The following SPATA31F3 variants were observed in gnomAD, a reference collection of about 807,000 sequenced individuals.
SPATA31F3 encodes SPATA31 subfamily F member 3.
the SPATA31F3 span, chr9:34,895,475 G>A: frequency 1.3e-5 from 5 of 397,922 alleles, no homozygotes; most frequent in South Asian, 6.8e-4. Flanking sequence ...GTCCAGTGAG[G>A]AGACCCCTTT....
At chr9:34,895,601 A>C in the SPATA31F3 span, 83,277 of 398,826 alleles carry the variant, frequency 0.21, 9,880 homozygotes, top group East Asian at 0.46. Flanking sequence ...CCTGTTAGGT[A>C]CCAAGCTTAA....
At chr9:34,893,640 C>T in the SPATA31F3 span, among the ~76,000 whole-genome samples, 1 of 151,868 alleles carries the variant, frequency 6.6e-6, no homozygotes, top group African/African-American at 2.4e-5. Flanking sequence ...AAGAAAAAGC[C>T]ATTTGGCAAG....
the SPATA31F3 span, among the ~76,000 whole-genome samples, chr9:34,895,263 A>T: frequency 6.6e-6 from 1 of 151,712 alleles, no homozygotes; most frequent in African/African-American, 2.4e-5. Context: ...CTTATTTCTG[A>T]CTCACTTTCA....
the SPATA31F3 span, among the ~76,000 whole-genome samples, chr9:34,894,150 G>A: frequency 3.3e-5 from 5 of 152,128 alleles, no homozygotes; most frequent in African/African-American, 7.2e-5. Flanking sequence ...AGCTTGTCTC[G>A]TGGCTGAATG....
the SPATA31F3 span, chr9:34,889,344 G>A: frequency 2.5e-6 from 1 of 398,714 alleles, no homozygotes; most frequent in Non-Finnish European, 4.4e-6. Flanking sequence ...ACTGAAGGGA[G>A]TGTTGCTAGA....
chr9:34,893,439 A>G, the SPATA31F3 span, among the ~76,000 whole-genome samples: 2 of 149,082 alleles, frequency 1.3e-5, no homozygotes, highest in Admixed American at 1.3e-4. Flanking sequence ...CGTCTCTACT[A>G]AAAATACAAA....
the SPATA31F3 span, chr9:34,895,093 C>A: frequency 5.0e-6 from 2 of 398,530 alleles, no homozygotes; most frequent in Non-Finnish European, 4.4e-6. Flanking sequence ...CACTTAAAGA[C>A]AAAAACATTA....
the SPATA31F3 span, among the ~76,000 whole-genome samples, chr9:34,893,794 C>G: frequency 6.6e-6 from 1 of 151,966 alleles, no homozygotes; most frequent in African/African-American, 2.4e-5. Context: ...CGGAGCCAGG[C>G]GGTTAGCTGA....
the SPATA31F3 span, chr9:34,889,162 G>A: frequency 2.5e-6 from 1 of 398,514 alleles, no homozygotes; most frequent in African/African-American, 2.1e-5. Context: ...GATTGCAGAG[G>A]TTCAGGAACC....
chr9:34,894,761 T>G, the SPATA31F3 span, among the ~76,000 whole-genome samples: 7 of 152,328 alleles, frequency 4.6e-5, no homozygotes, highest in East Asian at 1.3e-3. Context: ...TTGAAGAGAC[T>G]TCCACAGGTT....
the SPATA31F3 span, chr9:34,895,757 C>CT: frequency 2.0e-5 from 8 of 401,626 alleles, no homozygotes; most frequent in East Asian, 7.1e-5. Flanking sequence ...TCTCCCTAGT[C>CT]TTTCACTGTC....
chr9:34,894,282 C>T, the SPATA31F3 span, among the ~76,000 whole-genome samples: 2 of 152,156 alleles, frequency 1.3e-5, no homozygotes, highest in African/African-American at 4.8e-5. Context: ...CTGGCCCAGC[C>T]CCCCTGCCCT....
chr9:34,889,712 C>T, the SPATA31F3 span: 1 of 397,808 alleles, frequency 2.5e-6, no homozygotes, highest in Non-Finnish European at 4.4e-6. Context: ...AAGTGTGGCC[C>T]TGCAAATTTT....
the SPATA31F3 span, among the ~76,000 whole-genome samples, chr9:34,891,947 T>C: frequency 6.6e-6 from 1 of 151,890 alleles, no homozygotes; most frequent in Non-Finnish European, 1.5e-5. Flanking sequence ...ATGGAGAATG[T>C]GGGGGAAAAG....
the SPATA31F3 span, chr9:34,892,557 A>G: frequency 2.4e-6 from 1 of 420,320 alleles, no homozygotes; most frequent in East Asian, 3.4e-5. Context: ...GGACATTGCA[A>G]TAGCAGTTGG....
the SPATA31F3 span, chr9:34,895,042 T>C: frequency 1.5e-5 from 6 of 398,564 alleles, no homozygotes; most frequent in Admixed American, 1.3e-4. Context: ...ACTTTACCTC[T>C]TGATGTTCTA....
the SPATA31F3 span, among the ~76,000 whole-genome samples, chr9:34,892,432 T>G: frequency 6.6e-6 from 1 of 152,026 alleles, no homozygotes; most frequent in Admixed American, 6.6e-5. Context: ...AAATTAGAAG[T>G]GGTGTGGTAT....
At chr9:34,889,933 C>G in the SPATA31F3 span, among the ~76,000 whole-genome samples, 1 of 152,150 alleles carries the variant, frequency 6.6e-6, no homozygotes, top group Admixed American at 6.5e-5. Flanking sequence ...TCGGCTTACT[C>G]TAACAGCTTT....
chr9:34,895,664 G>GAT, the SPATA31F3 span: 1 of 403,402 alleles, frequency 2.5e-6, no homozygotes, highest in Non-Finnish European at 4.4e-6. Context: ...AATGCAGATG[G>GAT]ATCCATAGGT....
Sources: gnomAD v4.1 joint callset for allele counts (sites outside exome capture counted in the v4.1 genomes callset) on GRCh38, gnomAD v4.1.1 for gene constraint, MANE v1.5 for transcripts, NCBI Gene and HGNC (gene_info 2026-07-23, HGNC 2026-07-21) for gene names.